The following ZNRF1 variants were observed in gnomAD, a reference collection of about 807,000 sequenced individuals.
The protein encoded by ZNRF1 is zinc and ring finger 1.
ZNRF1 carries 3 observed loss-of-function variants against 18.4 expected under a neutral mutation model. The observed-to-expected ratio is 0.16, with a 90% CI of 0.07 to 0.42. ZNRF1 has a LOEUF of 0.42. ZNRF1 is among the 10% of genes least tolerant of loss of function. The pLI is 0.99. For synonymous variants in ZNRF1, 157 were observed against 144.2 expected, an observed-to-expected ratio of 1.09 and a Z score of -0.64; for missense variants, 310 against 329.8, an observed-to-expected ratio of 0.94 and a Z score of 0.47.
At chr16:75,078,480 G>A (rs1410918972) in intron 1 of ZNRF1, among the ~76,000 whole-genome samples, 2 of 151,902 alleles carry the variant, frequency 1.3e-5, no homozygotes, top group East Asian at 1.9e-4. Flanking sequence ...TGTATTTTTA[G>A]TAGAGATGGG....
intron 1 of ZNRF1, among the ~76,000 whole-genome samples, chr16:75,063,020 A>C (rs898867831): frequency 2.0e-5 from 3 of 152,216 alleles, no homozygotes; most frequent in African/African-American, 7.2e-5. Flanking sequence ...GTAGGAAAGA[A>C]ACATGACAAT....
chr16:75,040,601 T>TGG (rs2035432993), intron 1 of ZNRF1, among the ~76,000 whole-genome samples: 8 of 126,470 alleles, frequency 6.3e-5, no homozygotes, highest in Non-Finnish European at 1.4e-4. Flanking sequence ...TTTGTGGGTT[T>TGG]TTTTTTTTTT....
intron 4 of ZNRF1, 46 bp downstream of exon 4, chr16:75,106,617 G>T: frequency 6.4e-7 from 1 of 1,553,094 alleles, no homozygotes; most frequent in South Asian, 1.1e-5. Context: ...CTTGGGGTCA[G>T]GTCACTTTGG....
At chr16:75,071,708 G>C in intron 1 of ZNRF1, among the ~76,000 whole-genome samples, 1 of 152,146 alleles carries the variant, frequency 6.6e-6, no homozygotes, top group Non-Finnish European at 1.5e-5. Flanking sequence ...CATGTGGGAC[G>C]GAAATAGTCC....
chr16:75,079,277 C>G (rs983278346), intron 1 of ZNRF1, among the ~76,000 whole-genome samples: 1 of 152,096 alleles, frequency 6.6e-6, no homozygotes, highest in African/African-American at 2.4e-5. Context: ...GTCAAAAGAT[C>G]AAGACCATCC....
intron 1 of ZNRF1, among the ~76,000 whole-genome samples, chr16:75,007,151 G>T (rs1357458709): frequency 6.6e-6 from 1 of 151,944 alleles, no homozygotes; most frequent in African/African-American, 2.4e-5. Flanking sequence ...TCAGCCTGTA[G>T]GGCTCAAGCG....
At chr16:75,044,961 C>G (rs532873893) in intron 1 of ZNRF1, among the ~76,000 whole-genome samples, 1 of 152,230 alleles carries the variant, frequency 6.6e-6, no homozygotes, top group East Asian at 1.9e-4. Context: ...AATACTTCCA[C>G]CAGAAGAAGG....
intron 1 of ZNRF1, among the ~76,000 whole-genome samples, chr16:75,031,114 G>A (rs2145349608): frequency 6.6e-6 from 1 of 150,494 alleles, no homozygotes; most frequent in Admixed American, 6.6e-5. Flanking sequence ...AGGATTACAG[G>A]CGTGAGCCAC....
At chr16:75,045,070 G>T (rs565609148) in intron 1 of ZNRF1, among the ~76,000 whole-genome samples, 2 of 152,176 alleles carry the variant, frequency 1.3e-5, no homozygotes, top group African/African-American at 4.8e-5. Flanking sequence ...CTTCTGGCAG[G>T]TGTCCTGGTT....
At chr16:75,031,700 G>A (rs904900478) in intron 1 of ZNRF1, among the ~76,000 whole-genome samples, 3 of 151,704 alleles carry the variant, frequency 2.0e-5, no homozygotes, top group African/African-American at 7.3e-5. Flanking sequence ...TAGAGACAGG[G>A]CATGTTGCCC....
rs573842432 is a variant in ZNRF1 at position 75,108,060 on chromosome 16, T to G, written c.*360T>G. ...TGTCGACTGGTGTTTTCCCTCGTGA[T>G]GTTTACAGCTTGCTGTTTGCTGCCC... On this transcript the variant is annotated 3_prime_UTR_variant, in exon 5 of 5. Transcript: ENST00000335325. The G allele has an allele frequency of 9.4e-5, 28 of 297,572 alleles. No individual in the cohort carries two copies. The East Asian group carries it at 1.9e-3, about 20-fold the overall frequency. The allele number at this position is 297,572 out of a possible 1,614,324, so 18.4% of individuals were successfully genotyped here.
chr16:75,008,580 A>G (rs1189013470), intron 1 of ZNRF1, among the ~76,000 whole-genome samples: 1 of 152,196 alleles, frequency 6.6e-6, no homozygotes, highest in Admixed American at 6.5e-5. Context: ...CCAAAAGTAT[A>G]AGACTTTTTT....
intron 1 of ZNRF1, among the ~76,000 whole-genome samples, chr16:75,011,663 G>A (rs950793346): frequency 1.2e-4 from 18 of 152,194 alleles, no homozygotes; most frequent in African/African-American, 4.3e-4. Context: ...TGCAGCCAGT[G>A]CCCTGGAAAG....
intron 1 of ZNRF1, among the ~76,000 whole-genome samples, chr16:75,068,323 C>G (rs947599022): frequency 6.6e-6 from 1 of 151,916 alleles, no homozygotes; most frequent in African/African-American, 2.4e-5. Context: ...GTGATCACAC[C>G]ACTGTACTCC....
chr16:75,048,698 A>G (rs1191531521), intron 1 of ZNRF1, among the ~76,000 whole-genome samples: 1 of 152,132 alleles, frequency 6.6e-6, no homozygotes. Flanking sequence ...ACAGATGATG[A>G]TGTGTCCTTC....
In ZNRF1 at chr16:75,045,050, G is replaced by A. The variant is rs114222142; in HGVS notation, c.424+44955G>A. On this transcript the variant is annotated intron_variant, in intron 1 of 4. Coordinates refer to ENST00000335325, the MANE Select transcript of ZNRF1 (RefSeq NM_032268.5). ...TTCTGTAATGTGGGAAACAAACTTC[G>A]TCTTAGGATCTTCTGGCAGGTGTCC... 6.5e-3 allele frequency among the ~76,000 whole-genome samples: 990 copies of A among 152,240 alleles called. 10 individuals are homozygous for A. Among genetic ancestry groups the A allele is most frequent in the African/African-American group, 0.022 (917 of 41,542 alleles).
Position 75,091,083 on chromosome 16 carries a change from G to A in ZNRF1, c.425-2489G>A, listed in dbSNP as rs147109597. The stretch of plus-strand genomic sequence containing the variant: ...GCCTTTTATCTGTTTCATAAGAAAT[G>A]TTGGGTGACTGATGCCTGTAATCCC... On this transcript the variant is annotated intron_variant, in intron 1 of 4. Coordinates refer to ENST00000335325, the MANE Select transcript of ZNRF1 (RefSeq NM_032268.5). Among the ~76,000 whole-genome samples the A allele has an allele frequency of 6.3e-4, 96 of 152,180 alleles. 3 individuals are homozygous for A. The highest frequency in any genetic ancestry group is 4.8e-3 in the East Asian group (25 of 5,162).
At chr16:75,090,734 C>G (rs2036127729) in intron 1 of ZNRF1, among the ~76,000 whole-genome samples, 1 of 152,084 alleles carries the variant, frequency 6.6e-6, no homozygotes, top group Non-Finnish European at 1.5e-5. Flanking sequence ...TAGCCAGGCC[C>G]TGAATTTTCT....
intron 1 of ZNRF1, among the ~76,000 whole-genome samples, chr16:75,005,288 T>C (rs1391015582): frequency 6.6e-6 from 1 of 152,212 alleles, no homozygotes; most frequent in Non-Finnish European, 1.5e-5. Flanking sequence ...GCAAAGATAA[T>C]TTCTTGAAGG....
Sources: gnomAD v4.1 joint callset for allele counts (sites outside exome capture counted in the v4.1 genomes callset) on GRCh38, gnomAD v4.1.1 for gene constraint, MANE v1.5 for transcripts, NCBI Gene and HGNC (gene_info 2026-07-23, HGNC 2026-07-21) for gene names.